The following MAMLD1 variants were observed in gnomAD, a reference collection of about 807,000 sequenced individuals.
MAMLD1 encodes the protein mastermind-like domain-containing protein 1.
In MAMLD1, 14 loss-of-function variants were observed where a neutral mutation model predicts 45.0. The observed-to-expected ratio is 0.31, with a 90% CI of 0.21 to 0.49. The LOEUF is 0.49. Among genes scored for constraint, MAMLD1 ranks in the 20% least tolerant of loss-of-function variants. MAMLD1 has a pLI of 0.99. For synonymous variants in MAMLD1, 254 were observed against 247.8 expected (o/e 1.02, Z -0.24); for missense variants, 543 against 603.6 (o/e 0.90, Z 1.05).
intron 1 of MAMLD1, among the ~76,000 whole-genome samples, chrX:150,415,069 C>T (rs1337319367): frequency 3.6e-5 from 4 of 112,027 alleles, no homozygotes; most frequent in African/African-American, 1.3e-4. Context: ...TTTTAGAGAA[C>T]ATCTGTGCAA....
chrX:150,368,695 G>C (rs2031722041), intron 1 of MAMLD1, among the ~76,000 whole-genome samples: 1 of 111,947 alleles, frequency 8.9e-6, no homozygotes, highest in Non-Finnish European at 1.9e-5. Context: ...ATGGTTTTAG[G>C]TCTCACATTT....
intron 7 of MAMLD1, among the ~76,000 whole-genome samples, 186 bp downstream of exon 7, chrX:150,510,232 T>A (rs1316123381): frequency 8.9e-6 from 1 of 112,227 alleles, no homozygotes; most frequent in Non-Finnish European, 1.9e-5. Flanking sequence ...AGGCCTGGTC[T>A]AAATGACTCC....
chrX:150,507,016 G>T (rs998908906), intron 6 of MAMLD1, among the ~76,000 whole-genome samples: 3 of 112,527 alleles, frequency 2.7e-5, no homozygotes, highest in African/African-American at 9.7e-5. Context: ...CAGAGGAAGA[G>T]CTGGGCCTTA....
intron 6 of MAMLD1, among the ~76,000 whole-genome samples, chrX:150,507,725 A>C (rs1014350469): frequency 2.7e-5 from 3 of 112,369 alleles, no homozygotes; most frequent in African/African-American, 9.7e-5. Flanking sequence ...AAGACGCCCC[A>C]GCACCCGCTG....
At chrX:150,363,976 G>A (rs1256706148) in intron 1 of MAMLD1, among the ~76,000 whole-genome samples, 2 of 113,167 alleles carry the variant, frequency 1.8e-5, no homozygotes, top group African/African-American at 6.4e-5. Flanking sequence ...GTAGGCAGTG[G>A]GCGCTGGATG....
chrX:150,462,571 T>G (rs1557405668), intron 2 of MAMLD1, among the ~76,000 whole-genome samples: 1 of 112,244 alleles, frequency 8.9e-6, no homozygotes, highest in Admixed American at 9.4e-5. Flanking sequence ...GGATTCACTT[T>G]GCTAGTCTCC....
At chrX:150,438,729 A>C (rs184827568) in intron 1 of MAMLD1, among the ~76,000 whole-genome samples, 1 of 112,400 alleles carries the variant, frequency 8.9e-6, no homozygotes, top group Non-Finnish European at 1.9e-5. Flanking sequence ...CACTGTGTGG[A>C]TATACCAAAA....
intron 5 of MAMLD1, among the ~76,000 whole-genome samples, chrX:150,481,631 G>C (rs1557407181): frequency 9.1e-6 from 1 of 110,096 alleles, no homozygotes; most frequent in Admixed American, 9.8e-5. Flanking sequence ...GGAGTTCAAT[G>C]CCAGCCTGGG....
intron 5 of MAMLD1, among the ~76,000 whole-genome samples, chrX:150,493,760 C>A: frequency 8.9e-6 from 1 of 111,765 alleles, no homozygotes; most frequent in African/African-American, 3.3e-5. Context: ...TGTGTTGATC[C>A]TTATTAGTTT....
chrX:150,365,024 G>A (rs1255488555), intron 1 of MAMLD1, among the ~76,000 whole-genome samples: 7 of 112,209 alleles, frequency 6.2e-5, no homozygotes, highest in African/African-American at 2.3e-4. Context: ...GGCCGCCACC[G>A]CAGCTCTGGG....
intron 1 of MAMLD1, among the ~76,000 whole-genome samples, chrX:150,439,221 T>C (rs1557404404): frequency 8.9e-6 from 1 of 112,181 alleles, no homozygotes; most frequent in Non-Finnish European, 1.9e-5. Context: ...TTAGGTGTTA[T>C]GTGTATATTC....
At chrX:150,480,031 C>T (rs1557407088) in intron 5 of MAMLD1, among the ~76,000 whole-genome samples, 1 of 111,567 alleles carries the variant, frequency 9.0e-6, no homozygotes, top group African/African-American at 3.3e-5. Context: ...CCTCCCCTCC[C>T]CATCCTGTGC....
chrX:150,417,568 C>T (rs2034305890), intron 1 of MAMLD1, among the ~76,000 whole-genome samples: 1 of 109,847 alleles, frequency 9.1e-6, no homozygotes, highest in African/African-American at 3.4e-5. Flanking sequence ...AGTTCTAGAT[C>T]CCTGAGGAAT....
At chrX:150,504,747 A>G in intron 6 of MAMLD1, 7 of 752,198 alleles carry the variant, frequency 9.3e-6, no homozygotes, top group Non-Finnish European at 1.1e-5. Context: ...TCAAGCCAAC[A>G]GCTTTCACCC....
intron 1 of MAMLD1, among the ~76,000 whole-genome samples, chrX:150,403,996 G>GAAAGAAAAAGAAAGA (rs1244362021): frequency 1.4e-5 from 1 of 73,869 alleles, no homozygotes; most frequent in Non-Finnish European, 2.9e-5. Context: ...AAGAAAGAAA[G>GAAAGAAAAAGAAAGA]AAGAAAGGAA....
chrX:150,416,180 T>G (rs2034243836), intron 1 of MAMLD1, among the ~76,000 whole-genome samples: 1 of 111,671 alleles, frequency 9.0e-6, no homozygotes, highest in South Asian at 3.8e-4. Context: ...TCAAATGTCT[T>G]GTTCACCCTG....
At chrX:150,467,525 C>T (rs1236451319) in intron 3 of MAMLD1, among the ~76,000 whole-genome samples, 2 of 112,569 alleles carry the variant, frequency 1.8e-5, no homozygotes, top group Non-Finnish European at 3.8e-5. Context: ...CTGCCTGACC[C>T]ATGGTATTCA....
At chrX:150,504,626 C>T (rs1326245885) in intron 6 of MAMLD1, 2 of 599,500 alleles carry the variant, frequency 3.3e-6, no homozygotes, top group Non-Finnish European at 4.0e-6. Flanking sequence ...CAGGATGTCG[C>T]TGTTTCCACC....
At chrX:150,460,131 G>A (rs1013475373) in intron 2 of MAMLD1, among the ~76,000 whole-genome samples, 6 of 112,575 alleles carry the variant, frequency 5.3e-5, no homozygotes, top group Non-Finnish European at 7.5e-5. Flanking sequence ...GTTTTGGGCA[G>A]AGGATTGTGT....
Sources: gnomAD v4.1 joint callset for allele counts (sites outside exome capture counted in the v4.1 genomes callset) on GRCh38, gnomAD v4.1.1 for gene constraint, MANE v1.5 for transcripts, NCBI Gene and HGNC (gene_info 2026-07-23, HGNC 2026-07-21) for gene names.